The following USP44 variants were observed in gnomAD, a reference collection of about 807,000 sequenced individuals.
USP44 encodes ubiquitin specific peptidase 44.
In USP44, 61 loss-of-function variants were observed where a neutral mutation model predicts 69.0. The observed-to-expected ratio is 0.88, with a 90% CI of 0.72 to 1.09. USP44 has a LOEUF of 1.09. USP44 is among the 50% of genes least tolerant of loss of function. The pLI is 0.00. For missense variants in USP44, 753 were observed against 849.9 expected, an observed-to-expected ratio of 0.89 and a Z score of 1.42; for synonymous variants, 297 against 295.4, an observed-to-expected ratio of 1.01 and a Z score of -0.06.
Position 95,525,693 on chromosome 12 carries a change from C to T in USP44, c.1625-905G>A, listed in dbSNP as rs115272563. On this transcript the variant is annotated intron_variant, in intron 3 of 5. Coordinates refer to ENST00000258499, the MANE Select transcript of USP44 (RefSeq NM_032147.5). ...AAGCGTTTTGCTTTTGCTCTTTTAG[C>T]ACTAGATCTTAGACAGCTGGAACTC... Among the ~76,000 whole-genome samples the T allele has an allele frequency of 3.5e-3, 539 of 152,314 alleles. 2 individuals carry two copies. Among genetic ancestry groups the T allele is most frequent in the African/African-American group, 0.013 (526 of 41,572 alleles).
chr12:95,525,660 C>T (rs1417666910), intron 3 of USP44, among the ~76,000 whole-genome samples: 1 of 152,214 alleles, frequency 6.6e-6, no homozygotes, highest in East Asian at 1.9e-4. Context: ...CTGAGGCCTC[C>T]CTCACTCAAG....
chr12:95,532,895 T>C lies in USP44; in HGVS notation c.1362A>G (p.Gln454=). The C allele has an allele frequency of 6.2e-7, 1 of 1,612,480 alleles. No individual in the cohort carries two copies. The highest frequency in any genetic ancestry group is 8.5e-7 in the Non-Finnish European group (1 of 1,179,576). ...TCAGAACTTGTTTGATGAGTTTCCT[T>C]TGAGAAGTGGGGATAAGAGCTGGTA... ...TSLPALIPTS[Q]RKLIKQVLNV... Residue 454 remains glutamine (Q), a synonymous_variant, in exon 2 of 6, where the codon CAA becomes CAG. Coordinates refer to ENST00000258499, the MANE Select transcript of USP44 (RefSeq NM_032147.5).
At chr12:95,546,418 A>G (rs2077572783) in intron 1 of USP44, 1 of 152,188 alleles carries the variant, frequency 6.6e-6, no homozygotes, top group South Asian at 2.1e-4. Flanking sequence ...TGTGAATGTT[A>G]CACCTTTTAC....
Position 95,517,542 on chromosome 12 carries a change from C to G in USP44, c.*612G>C, listed in dbSNP as rs1318875440. 6.6e-6 allele frequency: 1 copy of G among 152,100 alleles called. No individual in the cohort carries two copies. The highest frequency in any genetic ancestry group is 1.5e-5 in the Non-Finnish European group (1 of 68,020). The allele number at this position is 152,100 out of a possible 1,614,324, so 9.4% of individuals were successfully genotyped here. A position where few individuals can be genotyped will look rare whatever the true frequency, so the allele number is the denominator to read the frequency against. ...TCACTTAAATATACTATTTGTAAAG[C>G]TGCCATTTTCATTTATAGTTTGACT... is the stretch of plus-strand genomic sequence containing the variant. On this transcript the variant is annotated 3_prime_UTR_variant, in exon 6 of 6. Transcript: ENST00000258499.
Position 95,548,011 on chromosome 12 carries a change from GT to G in USP44, c.-71+3260del, listed in dbSNP as rs977238239. On this transcript the variant is annotated intron_variant, in intron 1 of 5. Transcript: ENST00000258499. This position sits in a 1 kb window ranked among gnomAD's most constrained non-coding sequence, Gnocchi z 4.1. ...CTCTTAAATTTGAACGTATTAACAG[GT>G]TCCCCTCCGCGCACACTGACATATT... 2 of 152,124 alleles carry G rather than the reference GT, an allele frequency of 1.3e-5. No homozygotes were observed. Among genetic ancestry groups the G allele is most frequent in the African/African-American group, 4.8e-5 (2 of 41,382 alleles). The allele number at this position is 152,124 out of a possible 1,614,324, so 9.4% of individuals were successfully genotyped here.
At chr12:95,543,353 G>A (rs1178752508) in intron 1 of USP44, among the ~76,000 whole-genome samples, 4 of 141,478 alleles carry the variant, frequency 2.8e-5, no homozygotes, top group African/African-American at 8.0e-5. Context: ...GCAGTGGGCC[G>A]AGATCATGCC....
In USP44 at chr12:95,532,834, TAAG is replaced by T; in HGVS notation, c.1420_1422del (p.Leu474del). The T allele has an allele frequency of 6.3e-7, 1 of 1,578,754 alleles. No individual in the cohort carries two copies. The highest frequency in any genetic ancestry group is 8.6e-7 in the Non-Finnish European group (1 of 1,165,964). ...AGATTCTTAAAAATCCATACCTGAC[TAAG>T]AAGTTGTCCATGAAAAATGTTATTT... On this transcript the variant is annotated inframe_deletion, in exon 2 of 6. Transcript: ENST00000258499.
At chr12:95,526,946 G>A (rs1465223518) in intron 3 of USP44, among the ~76,000 whole-genome samples, 1 of 151,998 alleles carries the variant, frequency 6.6e-6, no homozygotes, top group Non-Finnish European at 1.5e-5. Context: ...AACAGGTGGT[G>A]TTTGGTTACA....
At chr12:95,530,491 A>G (rs934771913) in intron 2 of USP44, among the ~76,000 whole-genome samples, 1 of 152,100 alleles carries the variant, frequency 6.6e-6, no homozygotes, top group Admixed American at 6.6e-5. Context: ...AAAAGCCATT[A>G]CAGCAACCAA....
At chr12:95,518,460 A>G in intron 5 of USP44, 107 bp from the exon 6 acceptor site, 1 of 1,138,542 alleles carries the variant, frequency 8.8e-7, no homozygotes, top group Non-Finnish European at 1.2e-6. Flanking sequence ...TTTCTAGCCA[A>G]TTCATTTTTC....
At chr12:95,518,781 A>T (rs2076556124) in intron 5 of USP44, among the ~76,000 whole-genome samples, 1 of 152,070 alleles carries the variant, frequency 6.6e-6, no homozygotes, top group Non-Finnish European at 1.5e-5. Flanking sequence ...TCTACTAAAA[A>T]TACAAAAATT....
rs1247622987 is a variant in USP44, at chr12:95,516,625, G to A, written c.*1529C>T. 1 of 152,180 alleles carries A rather than the reference G, an allele frequency of 6.6e-6. No individual in the cohort carries two copies. Among genetic ancestry groups the A allele is most frequent in the Non-Finnish European group, 1.5e-5 (1 of 68,034 alleles). The allele number at this position is 152,180 out of a possible 1,614,324, so 9.4% of individuals were successfully genotyped here. On this transcript the variant is annotated 3_prime_UTR_variant, in exon 6 of 6. Transcript: ENST00000258499. ...TGTGTAACAGTTGAGGTAACAACTTGCATAGGTATTATGAACAATTTTAAA... is the reference window on the plus strand; with the variant it reads ...TGTGTAACAGTTGAGGTAACAACTTACATAGGTATTATGAACAATTTTAAA...
intron 1 of USP44, among the ~76,000 whole-genome samples, chr12:95,535,832 ATTT>A (rs2077180309): frequency 6.6e-6 from 1 of 152,136 alleles, no homozygotes; most frequent in African/African-American, 2.4e-5. Flanking sequence ...AAGGCATTAA[ATTT>A]TTAGGGCAGT....
intron 1 of USP44, among the ~76,000 whole-genome samples, chr12:95,547,671 A>AC (rs1460427168): frequency 6.6e-6 from 1 of 152,052 alleles, no homozygotes; most frequent in African/African-American, 2.4e-5. Context: ...CCCTACTTTC[A>AC]CCCCCACAGG....
In USP44 at chr12:95,518,155, C is replaced by A. The variant is rs374299812; in HGVS notation, c.2138G>T (p.Ter713LeuextTer10). 5.6e-6 allele frequency: 9 copies of A among 1,613,914 alleles called. No homozygotes were observed. In the African/African-American group the frequency reaches 1.1e-4, roughly 19 times the overall value. The change falls in exon 6 of 6, where the codon TGA (stop) becomes TTA (leucine). Residue 713 changes from the stop codon to leucine, a stop_lost. Transcript: ENST00000258499. ...GAAGAAAACCCCATTGTCTTTGGATCAGCTAAGGATTTCATTAGACGAGGT... is the reference window on the plus strand; with the variant it reads ...GAAGAAAACCCCATTGTCTTTGGATAAGCTAAGGATTTCATTAGACGAGGT... ...ADTSSNEILS[*>L] is the part of the protein sequence containing the mutation.
chr12:95,531,925 C>T (rs1018316423), intron 2 of USP44, among the ~76,000 whole-genome samples: 4 of 152,090 alleles, frequency 2.6e-5, no homozygotes, highest in African/African-American at 7.2e-5. Flanking sequence ...ACCTTTACTT[C>T]GAAGATTCTG....
intron 1 of USP44, chr12:95,535,473 T>G (rs1210510873): frequency 6.6e-6 from 1 of 152,158 alleles, no homozygotes; most frequent in Non-Finnish European, 1.5e-5. Flanking sequence ...CTTTTGTATT[T>G]GAATATTCTC....
chr12:95,521,323 TA>T, intron 4 of USP44, 121 bp from the exon 5 acceptor site: 1 of 900,782 alleles, frequency 1.1e-6, no homozygotes, highest in Non-Finnish European at 1.7e-6. Context: ...ATATGTAATA[TA>T]AAATGATGTC....
At chr12:95,531,766 C>CAG (rs1249155196) in intron 2 of USP44, among the ~76,000 whole-genome samples, 10 of 152,066 alleles carry the variant, frequency 6.6e-5, no homozygotes, top group Admixed American at 6.6e-4. Context: ...AACTGAAGAA[C>CAG]AGAGGCAGGT....
Sources: gnomAD v4.1 joint callset for allele counts (sites outside exome capture counted in the v4.1 genomes callset) on GRCh38, gnomAD v4.1.1 for gene constraint, Gnocchi (gnomAD v3.1) non-coding constraint, MANE v1.5 for transcripts, NCBI Gene and HGNC (gene_info 2026-07-23, HGNC 2026-07-21) for gene names.